Variants in OVCA2 observed in about 807,000 individuals in gnomAD.
OVCA2 encodes OVCA2 serine hydrolase domain containing.
OVCA2 carries 14 observed loss-of-function variants against 10.1 expected under a neutral mutation model. The observed-to-expected ratio is 1.39, with a 90% CI of 0.92 to 2.17. OVCA2 has a LOEUF of 2.17. Ranked by LOEUF, OVCA2 falls within the 30% of genes most tolerant of loss-of-function variation. OVCA2 has a pLI of 0.00. For synonymous variants in OVCA2, 201 were observed against 134.1 expected (o/e 1.50, Z -3.45); for missense variants, 376 against 300.5 (o/e 1.25, Z -1.86).
At position 2,042,976 on chromosome 17, in the gene OVCA2, G is replaced by T. The variant is rs745829483; in HGVS notation, c.556G>T (p.Glu186Ter). The change falls in exon 2 of 2, where the codon GAG (glutamate) becomes TAG (stop). Residue 186 changes from glutamate to a stop codon, truncating the protein, a stop_gained. Transcript: ENST00000572195. LOFTEE classifies it high-confidence loss of function. ...GDTDKVIPSQ[E>*]SVQLASQFPG... ...CACTGACAAAGTCATCCCCTCTCAG[G>T]AGAGTGTGCAACTGGCCAGCCAATT... is the stretch of plus-strand genomic sequence containing the variant. The T allele has an allele frequency of 6.2e-7, 1 of 1,614,108 alleles. No homozygotes were observed. Among genetic ancestry groups the T allele is most frequent in the Non-Finnish European group, 8.5e-7 (1 of 1,180,032 alleles).
Position 2,043,411 on chromosome 17 carries a change from A to C in OVCA2, c.*307A>C. 2.0e-5 allele frequency: 6 copies of C among 298,880 alleles called. No homozygotes were observed. The highest frequency in any genetic ancestry group is 1.8e-4 in the East Asian group (3 of 16,564). The allele number at this position is 298,880 out of a possible 1,614,324, so 18.5% of individuals were successfully genotyped here. A position where few individuals can be genotyped will look rare whatever the true frequency, so the allele number is the denominator to read the frequency against. ...GCACCATGGTGACTGCCACATAATAAAGTGGTGATTTGGATTTTGAGCATC... is the reference window on the plus strand; with the variant it reads ...GCACCATGGTGACTGCCACATAATACAGTGGTGATTTGGATTTTGAGCATC... On this transcript the variant is annotated 3_prime_UTR_variant, in exon 2 of 2. Transcript: ENST00000572195.
At position 2,042,112 on chromosome 17, in the gene OVCA2, T is replaced by C. The variant is rs1008908830; in HGVS notation, c.65T>C (p.Phe22Ser). 4.5e-6 allele frequency: 7 copies of C among 1,568,128 alleles called. No homozygotes were observed. In the African/African-American group the frequency reaches 9.7e-5, roughly 22 times the overall value. Residue 22 changes from phenylalanine to serine, a missense_variant, in exon 1 of 2, where the codon TTC (phenylalanine) becomes TCC (serine). Transcript: ENST00000572195. Reference protein sequence around the residue: ...LAGFRQSERGFREKTGALRKA... With the variant: ...LAGFRQSERGSREKTGALRKA... ...GGCTTCCGGCAGAGCGAGCGGGGCT[T>C]CCGTGAGAAGACCGGGGCGCTGAGG...
At position 2,042,986 on chromosome 17, in the gene OVCA2, A is replaced by G; in HGVS notation, c.566A>G (p.Gln189Arg). The change falls in exon 2 of 2, where the codon CAA (glutamine) becomes CGA (arginine). Residue 189 changes from glutamine to arginine, a missense_variant. Gln to Arg is a conservative substitution (Grantham distance 43). Transcript: ENST00000572195. ...GTCATCCCCTCTCAGGAGAGTGTGC[A>G]ACTGGCCAGCCAATTTCCCGGAGCC... ...DKVIPSQESV[Q>R]LASQFPGAIT... The G allele has an allele frequency of 2.5e-6, 4 of 1,614,084 alleles. No homozygotes were observed. Among genetic ancestry groups the G allele is most frequent in the Non-Finnish European group, 3.4e-6 (4 of 1,180,030 alleles).
At position 2,043,234 on chromosome 17, in the gene OVCA2, C is replaced by G; in HGVS notation, c.*130C>G. ...CCAGAACCAGTTAAGAGACAACTAT[C>G]AATTCTTGAGACCCAAATTATAAGG... On this transcript the variant is annotated 3_prime_UTR_variant, in exon 2 of 2. Transcript: ENST00000572195. 1 of 1,184,794 alleles carries G rather than the reference C, an allele frequency of 8.4e-7. No homozygotes were observed. Among genetic ancestry groups the G allele is most frequent in the Non-Finnish European group, 1.2e-6 (1 of 850,180 alleles). The allele number at this position is 1,184,794 out of a possible 1,614,324, so 73.4% of individuals were successfully genotyped here.
intron 1 of OVCA2, 46 bp downstream of exon 1, chr17:2,042,277 T>C (rs1450211940): frequency 4.3e-6 from 6 of 1,400,826 alleles, no homozygotes; most frequent in Non-Finnish European, 5.5e-6. Flanking sequence ...TCCTCCATCT[T>C]GTTTCGTCCC....
chr17:2,042,352 C>T (rs2067553905), intron 1 of OVCA2, 121 bp downstream of exon 1: 3 of 1,351,282 alleles, frequency 2.2e-6, no homozygotes, highest in Non-Finnish European at 9.6e-7. Flanking sequence ...AGTCCACACC[C>T]TTCATTTCTC....
rs374371278 is a variant in OVCA2, at chr17:2,042,980, G to C, written c.560G>C (p.Ser187Thr). 1.8e-5 allele frequency: 29 copies of C among 1,614,002 alleles called. No individual in the cohort carries two copies. The highest frequency in any genetic ancestry group is 1.8e-5 in the Non-Finnish European group (21 of 1,180,044). Residue 187 changes from serine (S) to threonine (T), a missense_variant, in exon 2 of 2, where the codon AGT (serine) becomes ACT (threonine). By Grantham distance (58) the Ser-to-Thr change is moderately conservative. Coordinates refer to ENST00000572195, the MANE Select transcript of OVCA2 (RefSeq NM_080822.3). ...DTDKVIPSQE[S>T]VQLASQFPGA... Reference sequence around the variant, plus strand: ...GACAAAGTCATCCCCTCTCAGGAGAGTGTGCAACTGGCCAGCCAATTTCCC... The same window carrying C: ...GACAAAGTCATCCCCTCTCAGGAGACTGTGCAACTGGCCAGCCAATTTCCC...
rs140891546 is a variant in OVCA2 at position 2,042,962 on chromosome 17, T to A, written c.542T>A (p.Val181Asp). Residue 181 changes from valine (V) to aspartate (D), a missense_variant, in exon 2 of 2, where the codon GTC (valine) becomes GAC (aspartate). Coordinates refer to ENST00000572195, the MANE Select transcript of OVCA2 (RefSeq NM_080822.3). ...CATGTTTTTGGGGACACTGACAAAG[T>A]CATCCCCTCTCAGGAGAGTGTGCAA... ...SLHVFGDTDK[V>D]IPSQESVQLA... The A allele has an allele frequency of 6.2e-6, 10 of 1,614,042 alleles. No homozygotes were observed. The Admixed American group carries it at 8.3e-5, about 13-fold the overall frequency.
At chr17:2,042,563 T>C in intron 1 of OVCA2, 42 bp from the exon 2 acceptor site, 1 of 1,486,458 alleles carries the variant, frequency 6.7e-7, no homozygotes, top group African/African-American at 1.4e-5. Context: ...TCCTGGAGCC[T>C]CCCATGCCCT....
rs754020337 is a variant in OVCA2 at position 2,043,158 on chromosome 17, G to A, written c.*54G>A. 11 of 1,568,600 alleles carry A rather than the reference G, an allele frequency of 7.0e-6. No individual in the cohort carries two copies. Among genetic ancestry groups the A allele is most frequent in the South Asian group, 3.5e-5 (3 of 85,690 alleles). ...TCCAGCTCCTCTAGGGGCAGCCTCC[G>A]TCATCCATGCCCTCCCAGGACCCTC... On this transcript the variant is annotated 3_prime_UTR_variant, in exon 2 of 2. Transcript: ENST00000572195.
chr17:2,043,167 GCCCTCCCAGGACCCTC>G lies in OVCA2; in HGVS notation c.*65_*80del, dbSNP rs2067578050. 3.9e-6 allele frequency: 6 copies of G among 1,550,738 alleles called. No homozygotes were observed. The highest frequency in any genetic ancestry group is 4.4e-6 in the Non-Finnish European group (5 of 1,143,512). ...TCTAGGGGCAGCCTCCGTCATCCAT[GCCCTCCCAGGACCCTC>G]CACTCACTGCTGTGAGTGCGCCTCA... On this transcript the variant is annotated 3_prime_UTR_variant, in exon 2 of 2. Coordinates refer to ENST00000572195, the MANE Select transcript of OVCA2 (RefSeq NM_080822.3).
At position 2,042,190 on chromosome 17, in the gene OVCA2, T is replaced by C. The variant is rs1567549579; in HGVS notation, c.143T>C (p.Val48Ala). 7.0e-7 allele frequency: 1 copy of C among 1,430,358 alleles called. No individual in the cohort carries two copies. Among genetic ancestry groups the C allele is most frequent in the Non-Finnish European group, 9.1e-7 (1 of 1,098,274 alleles). 88.6% of individuals were successfully genotyped at this position (1,430,358 alleles called of 1,614,324 possible). ...ELVCLSGPHP[V>A]PDPPGPEGAR... ...GTGTGCCTCAGCGGCCCGCACCCGG[T>C]CCCCGACCCCCCGGGCCCCGAGGGC... The change falls in exon 1 of 2, where the codon GTC becomes GCC. Residue 48 changes from valine (V) to alanine (A), a missense_variant. Val to Ala is a moderately conservative substitution (Grantham distance 64). Transcript: ENST00000572195.
rs779777575 is a variant in OVCA2, at chr17:2,042,639, G to A, written c.219G>A (p.Trp73Ter). Reference protein sequence around the residue: ...SCPPEEQPRGWWFSEQEADVF... With the variant: ...SCPPEEQPRG ...CTCCGGAGGAGCAGCCTCGAGGCTG[G>A]TGGTTTTCAGAGCAGGAGGCCGACG... Residue 73 changes from tryptophan to a stop codon, truncating the protein, a stop_gained, in exon 2 of 2, where the codon TGG becomes TGA. Transcript: ENST00000572195. LOFTEE classifies it high-confidence loss of function. The A allele has an allele frequency of 6.6e-7, 1 of 1,521,016 alleles. No individual in the cohort carries two copies. Among genetic ancestry groups the A allele is most frequent in the Admixed American group, 2.3e-5 (1 of 44,188 alleles). The allele number at this position is 1,521,016 out of a possible 1,614,324, so 94.2% of individuals were successfully genotyped here. A position where few individuals can be genotyped will look rare whatever the true frequency, so the allele number is the denominator to read the frequency against.
intron 1 of OVCA2, 165 bp from the exon 2 acceptor site, chr17:2,042,440 C>G: frequency 7.9e-7 from 1 of 1,270,494 alleles, no homozygotes; most frequent in South Asian, 1.8e-5. Flanking sequence ...CCGCTGTCTC[C>G]TGTTCAGGCC....
At position 2,043,179 on chromosome 17, in the gene OVCA2, C is replaced by T. The variant is rs1361513535; in HGVS notation, c.*75C>T. The T allele has an allele frequency of 9.2e-6, 14 of 1,513,908 alleles. No homozygotes were observed. The highest frequency in any genetic ancestry group is 1.2e-5 in the South Asian group (1 of 81,684). 93.8% of individuals were successfully genotyped at this position (1,513,908 alleles called of 1,614,324 possible). On this transcript the variant is annotated 3_prime_UTR_variant, in exon 2 of 2. Transcript: ENST00000572195. ...CTCCGTCATCCATGCCCTCCCAGGACCCTCCACTCACTGCTGTGAGTGCGC... is the reference window on the plus strand; with the variant it reads ...CTCCGTCATCCATGCCCTCCCAGGATCCTCCACTCACTGCTGTGAGTGCGC...
Position 2,043,294 on chromosome 17 carries a change from G to A in OVCA2, c.*190G>A. 1.5e-6 allele frequency: 1 copy of A among 660,188 alleles called. No homozygotes were observed. The highest frequency in any genetic ancestry group is 2.8e-5 in the East Asian group (1 of 36,028). 40.9% of individuals were successfully genotyped at this position (660,188 alleles called of 1,614,324 possible). A position where few individuals can be genotyped will look rare whatever the true frequency, so the allele number is the denominator to read the frequency against. ...TGTACTGAAGAAAAGGGGAGCACAA[G>A]GCCTTAATGGACATTGACTTGTGAA... On this transcript the variant is annotated 3_prime_UTR_variant, in exon 2 of 2. Transcript: ENST00000572195.
chr17:2,042,172 T>G lies in OVCA2; in HGVS notation c.125T>G (p.Leu42Arg), dbSNP rs1217365403. 2.7e-6 allele frequency: 4 copies of G among 1,460,004 alleles called. No individual in the cohort carries two copies. The highest frequency in any genetic ancestry group is 5.4e-5 in the East Asian group (2 of 37,046). The allele number at this position is 1,460,004 out of a possible 1,614,324, so 90.4% of individuals were successfully genotyped here. ...CGGGGTCGCGCCGAGCTCGTGTGCC[T>G]CAGCGGCCCGCACCCGGTCCCCGAC... ...ALRGRAELVC[L>R]SGPHPVPDPP... Residue 42 changes from leucine to arginine, a missense_variant, in exon 1 of 2, where the codon CTC (leucine) becomes CGC (arginine). By Grantham distance (102) the Leu-to-Arg change is moderately radical (BLOSUM62 -2). Coordinates refer to ENST00000572195, the MANE Select transcript of OVCA2 (RefSeq NM_080822.3).
chr17:2,042,309 C>A (rs1020590359), intron 1 of OVCA2, 78 bp downstream of exon 1: 8 of 1,393,656 alleles, frequency 5.7e-6, no homozygotes, highest in Non-Finnish European at 7.4e-6. Context: ...TTCAGCATCC[C>A]CCACCCTGCG....
chr17:2,042,181 C>A lies in OVCA2; in HGVS notation c.134C>A (p.Pro45Gln). ...GCCGAGCTCGTGTGCCTCAGCGGCC[C>A]GCACCCGGTCCCCGACCCCCCGGGC... ...GRAELVCLSGPHPVPDPPGPE... is the reference protein window; with the variant it reads ...GRAELVCLSGQHPVPDPPGPE... Residue 45 changes from proline to glutamine, a missense_variant, in exon 1 of 2, where the codon CCG becomes CAG. Pro to Gln is a moderately conservative substitution (Grantham distance 76). Coordinates refer to ENST00000572195, the MANE Select transcript of OVCA2 (RefSeq NM_080822.3). The A allele has an allele frequency of 1.4e-6, 2 of 1,441,728 alleles. No individual in the cohort carries two copies. The highest frequency in any genetic ancestry group is 1.8e-6 in the Non-Finnish European group (2 of 1,104,114). 89.3% of individuals were successfully genotyped at this position (1,441,728 alleles called of 1,614,324 possible).
Sources: gnomAD v4.1 joint callset for allele counts on GRCh38, gnomAD v4.1.1 for gene constraint, MANE v1.5 for transcripts, NCBI Gene and HGNC (gene_info 2026-07-23, HGNC 2026-07-21) for gene names.